RAB38: variants seen among roughly 807,000 people sequenced by gnomAD.
RAB38 encodes RAB38, member RAS oncogene family.
In RAB38, 15 loss-of-function variants were observed where a neutral mutation model predicts 18.4. That is an observed-to-expected ratio of 0.82 (90% confidence interval 0.55 to 1.26). The LOEUF (loss-of-function observed/expected upper bound fraction) is 1.26, where lower values mean the gene tolerates loss of function less well. Among genes scored for constraint, RAB38 ranks in the 50% most tolerant of loss-of-function variants. The pLI is 0.00. For synonymous variants in RAB38, 101 were observed against 104.4 expected (o/e 0.97, Z 0.20); for missense variants, 294 against 267.4 (o/e 1.10, Z -0.69).
chr11:88,146,983 A>G (rs868842892), intron 2 of RAB38, among the ~76,000 whole-genome samples: 1 of 152,238 alleles, frequency 6.6e-6, no homozygotes, highest in African/African-American at 2.4e-5. Flanking sequence ...AAGGTACTAA[A>G]CATTGTGTCC....
At chr11:87,950,873 C>CTCTTCTCAGGGAGTGT in the RAB38 span, among the ~76,000 whole-genome samples, 1 of 152,132 alleles carries the variant, frequency 6.6e-6, no homozygotes, top group African/African-American at 2.4e-5. Context: ...CTTGGAGTTG[C>CTCTTCTCAGGGAGTGT]TCTTCTCAGG....
chr11:88,077,874 T>C, the RAB38 span, among the ~76,000 whole-genome samples: 2 of 152,036 alleles, frequency 1.3e-5, no homozygotes, highest in African/African-American at 4.8e-5. Flanking sequence ...ACCCACTGAA[T>C]GGGGGAAGAT....
chr11:87,912,632 A>G, the RAB38 span, among the ~76,000 whole-genome samples: 1 of 151,640 alleles, frequency 6.6e-6, no homozygotes, highest in Non-Finnish European at 1.5e-5. Flanking sequence ...TGTCAGACTC[A>G]TTGATCTCTT....
At chr11:88,092,356 GAGAGAGAGAGAGAGAGA>G in the RAB38 span, among the ~76,000 whole-genome samples, 18 of 10,644 alleles carry the variant, frequency 1.7e-3, 5 homozygotes, top group African/African-American at 5.2e-3. Flanking sequence ...GGGAGGGAGA[GAGAGAGAGAGAGAGAGA>G]GAGAGAGAGA....
the RAB38 span, among the ~76,000 whole-genome samples, chr11:88,067,814 T>G: frequency 1.1e-4 from 17 of 152,020 alleles, no homozygotes; most frequent in African/African-American, 4.1e-4. Context: ...GCTTAAAATC[T>G]AGATGATGGG....
At chr11:87,916,457 A>T in the RAB38 span, among the ~76,000 whole-genome samples, 1 of 152,084 alleles carries the variant, frequency 6.6e-6, no homozygotes, top group Non-Finnish European at 1.5e-5. Flanking sequence ...ATGTTTTGTT[A>T]TAAAGTGAGG....
intron 1 of RAB38, among the ~76,000 whole-genome samples, chr11:88,159,756 T>C (rs923847917): frequency 1.2e-4 from 19 of 152,028 alleles, no homozygotes; most frequent in African/African-American, 3.6e-4. Context: ...TAAGTGGTGC[T>C]GGGATAGCTG....
chr11:87,845,375 A>G, the RAB38 span, among the ~76,000 whole-genome samples: 1 of 152,202 alleles, frequency 6.6e-6, no homozygotes, highest in Admixed American at 6.5e-5. Context: ...ATTAGAAGAT[A>G]AGAAAAACTC....
the RAB38 span, among the ~76,000 whole-genome samples, chr11:87,941,129 A>T: frequency 6.8e-6 from 1 of 147,370 alleles, no homozygotes; most frequent in Non-Finnish European, 1.5e-5. Context: ...TTAGACGCTA[A>T]TTATTTGCTG....
At chr11:88,071,737 G>A in the RAB38 span, among the ~76,000 whole-genome samples, 1 of 152,172 alleles carries the variant, frequency 6.6e-6, no homozygotes, top group South Asian at 2.1e-4. Context: ...GCAAGGGCAT[G>A]GAGAAAGAAT....
chr11:88,121,033 A>G (rs893730659), intron 2 of RAB38, among the ~76,000 whole-genome samples: 6 of 152,194 alleles, frequency 3.9e-5, no homozygotes, highest in Non-Finnish European at 5.9e-5. Context: ...GGAATATGCT[A>G]TTATAGAATG....
At chr11:87,814,134 T>C in the RAB38 span, among the ~76,000 whole-genome samples, 9 of 152,194 alleles carry the variant, frequency 5.9e-5, no homozygotes, top group Admixed American at 5.9e-4. Context: ...CCAAGTGTTA[T>C]GGGCCCAGAG....
At chr11:87,926,588 A>C in the RAB38 span, among the ~76,000 whole-genome samples, 1 of 151,956 alleles carries the variant, frequency 6.6e-6, no homozygotes. Context: ...TAATATATGG[A>C]AGCTTGAGTC....
chr11:88,005,230 A>T, the RAB38 span, among the ~76,000 whole-genome samples: 1 of 151,510 alleles, frequency 6.6e-6, no homozygotes, highest in Non-Finnish European at 1.5e-5. Context: ...CTACCAGATT[A>T]CGTAGATTAC....
At chr11:88,042,867 T>C in the RAB38 span, among the ~76,000 whole-genome samples, 1 of 152,206 alleles carries the variant, frequency 6.6e-6, no homozygotes, top group Non-Finnish European at 1.5e-5. Flanking sequence ...TCACATGACT[T>C]GGCTCATAGG....
At chr11:87,852,526 G>A in the RAB38 span, among the ~76,000 whole-genome samples, 2 of 151,978 alleles carry the variant, frequency 1.3e-5, no homozygotes. Flanking sequence ...TATCTTTCTC[G>A]ATACTGATCT....
chr11:88,035,173 T>A, the RAB38 span, among the ~76,000 whole-genome samples: 1 of 152,218 alleles, frequency 6.6e-6, no homozygotes, highest in Non-Finnish European at 1.5e-5. Flanking sequence ...AAAAGTGGTA[T>A]CTTCTCTACT....
At chr11:88,167,498 G>A (rs893755190) in intron 1 of RAB38, 2 of 152,242 alleles carry the variant, frequency 1.3e-5, no homozygotes, top group African/African-American at 4.8e-5. Context: ...TGGCAGGGAA[G>A]CTGGAGGAGG....
chr11:87,831,403 A>T, the RAB38 span, among the ~76,000 whole-genome samples: 3 of 152,206 alleles, frequency 2.0e-5, no homozygotes, highest in Non-Finnish European at 4.4e-5. Context: ...ATAAGTGCCA[A>T]AGAGCATGGA....
Sources: allele counts gnomAD v4.1 joint callset (sites outside exome capture counted in the v4.1 genomes callset), GRCh38; gene constraint gnomAD v4.1.1; transcripts MANE v1.5; gene names NCBI Gene and HGNC (gene_info 2026-07-23, HGNC 2026-07-21).